Variants in CSMD1 observed in about 807,000 individuals in gnomAD.
The protein encoded by CSMD1 is CUB and Sushi multiple domains 1, also known as CUB and sushi domain-containing protein 1.
In CSMD1, 213 loss-of-function variants were observed where a neutral mutation model predicts 417.5. The observed-to-expected ratio is 0.51, with a 90% CI of 0.46 to 0.57. CSMD1 has a LOEUF of 0.57. Ranked by LOEUF, CSMD1 falls within the 20% of genes least tolerant of loss-of-function variation. CSMD1 has a pLI of 0.00. For missense variants in CSMD1, 6,923 were observed against 4,529.7 expected, an observed-to-expected ratio of 1.53 and a Z score of -15.17; for synonymous variants, 2,862 against 1,736.8, an observed-to-expected ratio of 1.65 and a Z score of -16.11.
intron 3 of CSMD1, among the ~76,000 whole-genome samples, chr8:4,385,070 G>A (rs192987242): frequency 1.1e-4 from 17 of 152,200 alleles, no homozygotes; most frequent in African/African-American, 4.1e-4. Context: ...GTGATTACAG[G>A]TGCCTTCCAG....
chr8:4,689,189 T>C (rs1806595670), intron 1 of CSMD1, among the ~76,000 whole-genome samples: 1 of 152,208 alleles, frequency 6.6e-6, no homozygotes, highest in African/African-American at 2.4e-5. Context: ...TCAATAGGTT[T>C]ATTCTTTTGT....
chr8:3,642,889 A>T (rs1432823833), intron 7 of CSMD1, among the ~76,000 whole-genome samples: 2 of 151,970 alleles, frequency 1.3e-5, no homozygotes, highest in Non-Finnish European at 2.9e-5. Context: ...GATTATACAT[A>T]CACACACATA....
intron 3 of CSMD1, among the ~76,000 whole-genome samples, chr8:4,135,977 C>G (rs1273623576): frequency 6.6e-6 from 1 of 152,028 alleles, no homozygotes; most frequent in Non-Finnish European, 1.5e-5. Context: ...CTGTGGAAGT[C>G]CTAGTCATTT....
chr8:4,824,771 C>A (rs1799725005), intron 1 of CSMD1, among the ~76,000 whole-genome samples: 1 of 152,106 alleles, frequency 6.6e-6, no homozygotes, highest in African/African-American at 2.4e-5. Context: ...CAAAAGCTAA[C>A]AAGAGTAATA....
At chr8:4,435,558 A>G (rs13269669) in intron 2 of CSMD1, among the ~76,000 whole-genome samples, 36,050 of 152,088 alleles carry the variant, frequency 0.24, 5,286 homozygotes, top group Non-Finnish European at 0.34. Context: ...ACATTTTCCT[A>G]TGGCTGTCAT....
intron 1 of CSMD1, among the ~76,000 whole-genome samples, chr8:4,692,155 G>A (rs916299075): frequency 2.0e-5 from 3 of 152,062 alleles, no homozygotes; most frequent in Admixed American, 6.5e-5. Flanking sequence ...CCTGCCCCCT[G>A]TCCCTTCTGG....
chr8:3,376,891 T>C (rs1408100215), intron 18 of CSMD1, among the ~76,000 whole-genome samples: 1 of 152,220 alleles, frequency 6.6e-6, no homozygotes, highest in African/African-American at 2.4e-5. Context: ...TTTAAGAGAT[T>C]GCTTAAGATT....
At chr8:4,480,212 C>T (rs1341042896) in intron 2 of CSMD1, among the ~76,000 whole-genome samples, 1 of 149,552 alleles carries the variant, frequency 6.7e-6, no homozygotes, top group East Asian at 1.9e-4. Flanking sequence ...AAAAAAAAAC[C>T]GAGAAGGAAA....
chr8:3,419,537 G>T (rs914010713), intron 12 of CSMD1, among the ~76,000 whole-genome samples: 2 of 152,088 alleles, frequency 1.3e-5, no homozygotes, highest in Admixed American at 1.3e-4. Context: ...TCAGGAGGAG[G>T]ATATTCAAGT....
intron 5 of CSMD1, among the ~76,000 whole-genome samples, chr8:3,799,775 A>G (rs569013253): frequency 2.6e-5 from 4 of 152,164 alleles, no homozygotes; most frequent in South Asian, 2.1e-4. Flanking sequence ...GCTAAATCCA[A>G]TTTTCATATC....
At chr8:3,601,079 G>A (rs1239746216) in intron 8 of CSMD1, among the ~76,000 whole-genome samples, 1 of 152,118 alleles carries the variant, frequency 6.6e-6, no homozygotes, top group South Asian at 2.1e-4. Flanking sequence ...CTTGATACCA[G>A]GTCATACATG....
In CSMD1 at chr8:4,628,233, T is replaced by C. The variant is rs939261994; in HGVS notation, c.302+9109A>G. On this transcript the variant is annotated intron_variant, in intron 2 of 69. Transcript: ENST00000635120. ...CTTGTAGTTCTAAAAGTGCATCTTA[T>C]AAATGAAGGAAACTAATTCTTGGTC... 1.4e-4 allele frequency among the ~76,000 whole-genome samples: 21 copies of C among 151,658 alleles called. No individual in the cohort carries two copies. The Middle Eastern group carries it at 0.014, about 101-fold the overall frequency.
At chr8:3,812,887 C>G (rs1225947328) in intron 5 of CSMD1, among the ~76,000 whole-genome samples, 1 of 152,158 alleles carries the variant, frequency 6.6e-6, no homozygotes, top group East Asian at 1.9e-4. Flanking sequence ...TAATGACATG[C>G]CAGCTCTTTC....
intron 17 of CSMD1, among the ~76,000 whole-genome samples, chr8:3,391,837 C>G (rs377462400): frequency 6.6e-6 from 1 of 152,100 alleles, no homozygotes; most frequent in African/African-American, 2.4e-5. Context: ...GAAGAAGCGT[C>G]ATTAATAATT....
intron 3 of CSMD1, among the ~76,000 whole-genome samples, chr8:4,272,445 T>G (rs1804663208): frequency 6.6e-6 from 1 of 152,174 alleles, no homozygotes; most frequent in Non-Finnish European, 1.5e-5. Context: ...AAAAACTATC[T>G]AAAACCAGGA....
chr8:4,982,652 C>T lies in CSMD1; in HGVS notation c.85+11680G>A, dbSNP rs191766952. Among the ~76,000 whole-genome samples the T allele has an allele frequency of 2.2e-3, 331 of 152,300 alleles. 4 individuals are homozygous for T. Among genetic ancestry groups the T allele is most frequent in the African/African-American group, 7.6e-3 (317 of 41,554 alleles). On this transcript the variant is annotated intron_variant, in intron 1 of 69. Coordinates refer to ENST00000635120, the MANE Select transcript of CSMD1 (RefSeq NM_033225.6). ...AGTCACTTCAACTTGTCATATAACA[C>T]TTTACAGTATTTTTATATGGACTCT...
chr8:3,296,294 C>G (rs1418427744), intron 25 of CSMD1, among the ~76,000 whole-genome samples: 1 of 151,494 alleles, frequency 6.6e-6, no homozygotes, highest in Non-Finnish European at 1.5e-5. Context: ...AGCAGAAGCC[C>G]CACGTAAGGG....
chr8:3,838,379 T>C (rs551019793), intron 5 of CSMD1, among the ~76,000 whole-genome samples: 1 of 146,942 alleles, frequency 6.8e-6, no homozygotes, highest in South Asian at 2.2e-4. Flanking sequence ...CTACTATATA[T>C]ACGCACTATA....
At chr8:4,788,109 A>G (rs1024437875) in intron 1 of CSMD1, 19 of 1,603,560 alleles carry the variant, frequency 1.2e-5, no homozygotes, top group Non-Finnish European at 1.4e-5. Flanking sequence ...AAGTCAGTGC[A>G]GGGTTGTAGT....
Sources: allele counts gnomAD v4.1 joint callset (sites outside exome capture counted in the v4.1 genomes callset), GRCh38; gene constraint gnomAD v4.1.1; transcripts MANE v1.5; gene names NCBI Gene and HGNC (gene_info 2026-07-23, HGNC 2026-07-21).